Variants in SCFD2 observed in about 807,000 individuals in gnomAD.
SCFD2 encodes the protein sec1 family domain containing 2, also known as sec1 family domain-containing protein 2.
A neutral mutation model predicts 58.9 loss-of-function variants in SCFD2; 54 were observed. That is an observed-to-expected ratio of 0.92 (90% CI 0.74 to 1.15). The LOEUF is 1.15. Among genes scored for constraint, SCFD2 ranks in the 50% most tolerant of loss-of-function variants. The pLI is 0.00. For synonymous variants in SCFD2, 321 were observed against 335.9 expected (o/e 0.96, Z 0.49); for missense variants, 805 against 836.6 (o/e 0.96, Z 0.47).
intron 5 of SCFD2, among the ~76,000 whole-genome samples, chr4:53,004,200 C>T (rs1381071665): frequency 1.3e-5 from 2 of 152,096 alleles, no homozygotes; most frequent in African/African-American, 4.8e-5. Context: ...ACCTCTGAGG[C>T]CTGATTCAGA....
At chr4:52,923,414 G>C (rs1719788194) in intron 5 of SCFD2, among the ~76,000 whole-genome samples, 1 of 151,966 alleles carries the variant, frequency 6.6e-6, no homozygotes, top group South Asian at 2.1e-4. Context: ...GGAGTTGGAG[G>C]TTGCAGTGAG....
At chr4:53,162,944 T>C (rs28404032) in intron 4 of SCFD2, among the ~76,000 whole-genome samples, 59,953 of 152,112 alleles carry the variant, frequency 0.39, 12,540 homozygotes, top group South Asian at 0.54. Flanking sequence ...GCTACTTCAA[T>C]CCATTTCCTA....
chr4:52,902,427 T>A (rs1277780667), intron 7 of SCFD2, among the ~76,000 whole-genome samples: 1 of 152,142 alleles, frequency 6.6e-6, no homozygotes, highest in Admixed American at 6.5e-5. Flanking sequence ...AGCAAATCAG[T>A]AGTGAAATAT....
intron 8 of SCFD2, among the ~76,000 whole-genome samples, chr4:52,882,233 G>A (rs905522156): frequency 6.6e-6 from 1 of 152,140 alleles, no homozygotes; most frequent in Non-Finnish European, 1.5e-5. Flanking sequence ...CCTGGGGGAG[G>A]ACATGGGAGC....
At chr4:52,947,251 C>T (rs1720454526) in intron 5 of SCFD2, among the ~76,000 whole-genome samples, 1 of 152,174 alleles carries the variant, frequency 6.6e-6, no homozygotes, top group African/African-American at 2.4e-5. Context: ...GCTTTCCATT[C>T]ACGGGGAAAC....
chr4:52,930,738 A>G (rs1344672733), intron 5 of SCFD2, among the ~76,000 whole-genome samples: 3 of 152,208 alleles, frequency 2.0e-5, no homozygotes, highest in African/African-American at 7.2e-5. Context: ...ACTGTATCAC[A>G]GTAATTCATA....
At position 53,152,339 on chromosome 4, in the gene SCFD2, C is replaced by T. The variant is rs560638347; in HGVS notation, c.1312-6757G>A. ...AAATTCACAGTAAATCCGTATCATA[C>T]TAACTGGAATGGCTAAGTGAAAAAA... On this transcript the variant is annotated intron_variant, in intron 4 of 8. Transcript: ENST00000401642. Among the ~76,000 whole-genome samples, 17 of 151,692 alleles carry T rather than the reference C, an allele frequency of 1.1e-4. No individual in the cohort carries two copies. The East Asian group carries it at 3.3e-3, about 29-fold the overall frequency.
intron 4 of SCFD2, among the ~76,000 whole-genome samples, chr4:53,247,809 C>T (rs1730150705): frequency 7.9e-6 from 1 of 127,160 alleles, no homozygotes; most frequent in African/African-American, 3.0e-5. Flanking sequence ...TGCAGTGAGC[C>T]GAGATTGCGC....
At position 53,224,404 on chromosome 4, in the gene SCFD2, A is replaced by T. The variant is rs10012006; in HGVS notation, c.1311+49422T>A. ...ACTCCGTCTCAAAAAAAAAAAAAAA[A>T]GAGTCTTACATTTTCTGCCAGTTCC... is the stretch of plus-strand genomic sequence containing the variant. On this transcript the variant is annotated intron_variant, in intron 4 of 8. Coordinates refer to ENST00000401642, the MANE Select transcript of SCFD2 (RefSeq NM_152540.4). Among the ~76,000 whole-genome samples the T allele has an allele frequency of 3.4e-5, 5 of 146,514 alleles. No homozygotes were observed. The South Asian group carries it at 6.4e-4, about 19-fold the overall frequency.
intron 5 of SCFD2, among the ~76,000 whole-genome samples, chr4:52,998,487 A>G (rs899801070): frequency 2.0e-5 from 3 of 152,250 alleles, no homozygotes; most frequent in Non-Finnish European, 2.9e-5. Flanking sequence ...TCTTGTTCAT[A>G]TATATGAATG....
intron 5 of SCFD2, among the ~76,000 whole-genome samples, chr4:53,105,290 A>T (rs1438062533): frequency 1.3e-5 from 2 of 151,662 alleles, no homozygotes; most frequent in African/African-American, 4.8e-5. Context: ...TAGCTTTAGG[A>T]GTTTTTTTTC....
intron 5 of SCFD2, among the ~76,000 whole-genome samples, chr4:53,137,114 A>C (rs1453122852): frequency 6.6e-6 from 1 of 152,204 alleles, no homozygotes; most frequent in Non-Finnish European, 1.5e-5. Context: ...TACTTTGTTT[A>C]TGACAAATAT....
chr4:53,116,615 G>A (rs1053348698), intron 5 of SCFD2, among the ~76,000 whole-genome samples: 18 of 152,232 alleles, frequency 1.2e-4, no homozygotes, highest in Admixed American at 9.8e-4. Context: ...AGCACTTGCA[G>A]AGGTAAAGGA....
intron 4 of SCFD2, among the ~76,000 whole-genome samples, chr4:53,268,065 A>C (rs1479481163): frequency 6.6e-6 from 1 of 152,090 alleles, no homozygotes; most frequent in Non-Finnish European, 1.5e-5. Flanking sequence ...ACGGTAGGGC[A>C]GGAGGAATGA....
chr4:53,203,300 T>G (rs1728308958), intron 4 of SCFD2, among the ~76,000 whole-genome samples: 1 of 152,172 alleles, frequency 6.6e-6, no homozygotes, highest in East Asian at 1.9e-4. Flanking sequence ...GGTTTTTGTC[T>G]TTGGTTCTGT....
chr4:53,295,829 G>C (rs1334432374), intron 3 of SCFD2, among the ~76,000 whole-genome samples: 1 of 152,172 alleles, frequency 6.6e-6, no homozygotes, highest in East Asian at 1.9e-4. Context: ...ATAGTTTATT[G>C]AGAGTTTTTA....
At chr4:53,087,657 CTTT>C (rs34727687) in intron 5 of SCFD2, among the ~76,000 whole-genome samples, 2 of 115,212 alleles carry the variant, frequency 1.7e-5, no homozygotes, top group Non-Finnish European at 3.6e-5. Context: ...TTTCTTTTTC[CTTT>C]TTTTTTTTTT....
intron 5 of SCFD2, among the ~76,000 whole-genome samples, chr4:52,986,455 A>G (rs1293189654): frequency 6.6e-6 from 1 of 150,556 alleles, no homozygotes; most frequent in Non-Finnish European, 1.5e-5. Flanking sequence ...GAGAAGAAAG[A>G]CACTACCTTC....
At chr4:52,945,794 T>C (rs1684743549) in intron 5 of SCFD2, 1 of 152,194 alleles carries the variant, frequency 6.6e-6, no homozygotes, top group Admixed American at 6.5e-5. Flanking sequence ...TTTTACTGAC[T>C]TTAAATTCAA....
Sources: gnomAD v4.1 joint callset for allele counts (sites outside exome capture counted in the v4.1 genomes callset) on GRCh38, gnomAD v4.1.1 for gene constraint, MANE v1.5 for transcripts, NCBI Gene and HGNC (gene_info 2026-07-23, HGNC 2026-07-21) for gene names.